PDE1C: variants seen among roughly 807,000 people sequenced by gnomAD.
The protein encoded by PDE1C is dual specificity calcium/calmodulin-dependent 3',5'-cyclic nucleotide phosphodiesterase 1C.
Under a neutral mutation model 93.1 loss-of-function variants are expected in PDE1C, and 62 were observed. The observed-to-expected ratio is 0.67, with a 90% CI of 0.54 to 0.82. PDE1C has a LOEUF of 0.82. Ranked by LOEUF, PDE1C falls within the 40% of genes least tolerant of loss-of-function variation. The pLI is 0.00. For synonymous variants in PDE1C, 325 were observed against 310.1 expected, an observed-to-expected ratio of 1.05 and a Z score of -0.50; for missense variants, 742 against 884.6, an observed-to-expected ratio of 0.84 and a Z score of 2.04.
chr7:32,291,994 C>T (rs1195203242), intron 1 of PDE1C, among the ~76,000 whole-genome samples: 1 of 152,114 alleles, frequency 6.6e-6, no homozygotes, highest in Non-Finnish European at 1.5e-5. Context: ...CTCTGTGGTT[C>T]CCCCGCCCTT....
intron 1 of PDE1C, among the ~76,000 whole-genome samples, chr7:32,293,870 CCCAGACTG>C (rs1336831401): frequency 2.0e-5 from 3 of 152,190 alleles, no homozygotes; most frequent in Non-Finnish European, 2.9e-5. Context: ...CTTGTTTCCA[CCCAGACTG>C]CCTGCTTGTC....
chr7:31,918,095 G>C (rs1802156629), intron 2 of PDE1C, among the ~76,000 whole-genome samples: 1 of 152,012 alleles, frequency 6.6e-6, no homozygotes, highest in Non-Finnish European at 1.5e-5. Flanking sequence ...TTTATTTATT[G>C]ATTTATTGTA....
intron 1 of PDE1C, among the ~76,000 whole-genome samples, chr7:32,244,240 A>G (rs187384113): frequency 7.6e-4 from 115 of 152,268 alleles, no homozygotes; most frequent in Middle Eastern, 3.4e-3. Context: ...AGGAAGGAGG[A>G]TAGAGGTAGT....
chr7:31,768,277 C>T (rs562823925), intron 17 of PDE1C, among the ~76,000 whole-genome samples: 4 of 152,256 alleles, frequency 2.6e-5, no homozygotes, highest in African/African-American at 7.2e-5. Context: ...GCTAAGAAGG[C>T]CAGTGAGTCG....
chr7:32,249,980 AAG>A (rs1012536089), intron 1 of PDE1C, among the ~76,000 whole-genome samples: 20 of 152,342 alleles, frequency 1.3e-4, no homozygotes, highest in Admixed American at 2.6e-4. Context: ...AATTATATAA[AAG>A]AGAGAAAAAT....
At chr7:31,748,506 A>G (rs181557565), downstream of PDE1C, among the ~76,000 whole-genome samples, 80 of 152,376 alleles carry the variant, frequency 5.3e-4, 1 homozygote, top group Middle Eastern at 6.8e-3. Context: ...CAGTTAAAAT[A>G]TGAACATGTG....
chr7:32,342,943 T>C (rs1374661485), intron 1 of PDE1C, among the ~76,000 whole-genome samples: 1 of 152,244 alleles, frequency 6.6e-6, no homozygotes, highest in Non-Finnish European at 1.5e-5. Context: ...TTTATTAAAC[T>C]CTGGAATATG....
chr7:32,202,280 C>T (rs1036330587), intron 2 of PDE1C, among the ~76,000 whole-genome samples: 4 of 152,310 alleles, frequency 2.6e-5, no homozygotes, highest in Non-Finnish European at 5.9e-5. Context: ...CTCTATCAAG[C>T]ACATTCAAAA....
At chr7:32,205,220 G>A (rs544930595) in intron 2 of PDE1C, among the ~76,000 whole-genome samples, 1 of 152,280 alleles carries the variant, frequency 6.6e-6, no homozygotes, top group Admixed American at 6.5e-5. Context: ...CCTTCACATA[G>A]TCCATGACCA....
chr7:31,804,154 T>C (rs1186665827), intron 16 of PDE1C, among the ~76,000 whole-genome samples: 1 of 151,892 alleles, frequency 6.6e-6, no homozygotes, highest in Non-Finnish European at 1.5e-5. Context: ...AGCTTTATTC[T>C]GGGATGCAGT....
Position 32,016,533 on chromosome 7 carries a change from G to T in PDE1C, c.128+35021C>A, listed in dbSNP as rs181425595. On this transcript the variant is annotated intron_variant, in intron 2 of 17. Coordinates refer to ENST00000396191, the MANE Select transcript of PDE1C (RefSeq NM_001191057.4). ...CTTATCTTAAAGAAAACAATGGAAA[G>T]AATATAAATAGAAGTATGTGCAAAG... Among the ~76,000 whole-genome samples the T allele has an allele frequency of 1.1e-4, 17 of 152,178 alleles. 1 individual carries two copies. Among genetic ancestry groups the T allele is most frequent in the Middle Eastern group, 3.4e-3 (1 of 294 alleles).
intron 2 of PDE1C, among the ~76,000 whole-genome samples, chr7:31,976,204 T>A (rs1281867189): frequency 2.0e-5 from 3 of 152,162 alleles, no homozygotes; most frequent in African/African-American, 7.2e-5. Context: ...CCATAATAGA[T>A]GAAGAATTAT....
intron 2 of PDE1C, among the ~76,000 whole-genome samples, chr7:32,195,450 TC>T (rs1804544888): frequency 6.6e-6 from 1 of 152,208 alleles, no homozygotes; most frequent in African/African-American, 2.4e-5. Flanking sequence ...ATATTGTGCT[TC>T]CATGGCTTCT....
intron 1 of PDE1C, among the ~76,000 whole-genome samples, chr7:32,278,362 G>C (rs1449459785): frequency 6.6e-6 from 1 of 152,134 alleles, no homozygotes; most frequent in African/African-American, 2.4e-5. Context: ...AGAAAAATGA[G>C]TGTTCCTCAA....
chr7:31,776,734 A>G (rs1332641275), intron 16 of PDE1C, among the ~76,000 whole-genome samples: 1 of 152,088 alleles, frequency 6.6e-6, no homozygotes, highest in Admixed American at 6.6e-5. Flanking sequence ...GGGAAGGAAG[A>G]GGCCTGGAAG....
intron 3 of PDE1C, among the ~76,000 whole-genome samples, chr7:32,109,483 A>T (rs966105164): frequency 3.3e-4 from 50 of 152,156 alleles, no homozygotes; most frequent in African/African-American, 9.9e-4. Context: ...AAATTGGATA[A>T]TTCTGGGTTG....
the PDE1C span, chr7:31,658,419 C>A: frequency 1.4e-6 from 2 of 1,478,374 alleles, no homozygotes; most frequent in South Asian, 1.4e-5. Context: ...AGAAAATAAT[C>A]AGTTTCCAGA....
intron 16 of PDE1C, chr7:31,783,372 T>C (rs1278393683): frequency 1.3e-5 from 2 of 152,048 alleles, no homozygotes; most frequent in African/African-American, 4.8e-5. Flanking sequence ...GCAAAGGCAC[T>C]TGGTGCCTGG....
intron 3 of PDE1C, among the ~76,000 whole-genome samples, chr7:32,113,158 T>C (rs1798769673): frequency 2.0e-5 from 3 of 146,422 alleles, no homozygotes; most frequent in Admixed American, 6.9e-5. Context: ...TATCAAATCA[T>C]GACATGAAGT....
Sources: gnomAD v4.1 joint callset for allele counts (sites outside exome capture counted in the v4.1 genomes callset) on GRCh38, gnomAD v4.1.1 for gene constraint, MANE v1.5 for transcripts, NCBI Gene and HGNC (gene_info 2026-07-23, HGNC 2026-07-21) for gene names.